SYT9: variants seen among roughly 807,000 people sequenced by gnomAD.
SYT9 encodes the protein synaptotagmin-9.
In SYT9, 22 loss-of-function variants were observed where a neutral mutation model predicts 48.4. The ratio of observed to expected loss-of-function variants is 0.45; its 90% CI spans 0.32 to 0.65. The LOEUF is 0.65. SYT9 is among the 30% of genes least tolerant of loss of function. SYT9 has a pLI of 0.03. For synonymous variants in SYT9, 265 were observed against 245.0 expected, an observed-to-expected ratio of 1.08 and a Z score of -0.76; for missense variants, 577 against 622.0, an observed-to-expected ratio of 0.93 and a Z score of 0.77.
chr11:7,454,156 G>A (rs1848107878), intron 6 of SYT9: 1 of 985,214 alleles, frequency 1.0e-6, no homozygotes, highest in Non-Finnish European at 1.2e-6. Context: ...AGCCCTTGAT[G>A]AGAGTCCAAG....
chr11:7,318,872 A>G (rs949590826), intron 3 of SYT9, among the ~76,000 whole-genome samples: 5 of 152,174 alleles, frequency 3.3e-5, no homozygotes, highest in African/African-American at 1.2e-4. Context: ...CAGTTTGATA[A>G]TATTTCATTT....
At chr11:7,347,203 C>T (rs1003733824) in intron 3 of SYT9, among the ~76,000 whole-genome samples, 2 of 151,952 alleles carry the variant, frequency 1.3e-5, no homozygotes, top group Admixed American at 1.3e-4. Context: ...TATCAATTAA[C>T]CAATACTGCT....
chr11:7,371,621 A>G (rs528452317), intron 3 of SYT9, among the ~76,000 whole-genome samples: 1 of 152,316 alleles, frequency 6.6e-6, no homozygotes, highest in African/African-American at 2.4e-5. Context: ...AAACAAGGCC[A>G]CCATCTAAAA....
intron 5 of SYT9, among the ~76,000 whole-genome samples, chr11:7,418,459 G>A (rs1281409920): frequency 1.3e-5 from 2 of 152,174 alleles, no homozygotes; most frequent in Non-Finnish European, 2.9e-5. Flanking sequence ...GGCCCCACAG[G>A]TTTTATCTTC....
chr11:7,318,414 A>G (rs1849279419), intron 3 of SYT9, among the ~76,000 whole-genome samples: 2 of 151,954 alleles, frequency 1.3e-5, no homozygotes, highest in Admixed American at 1.3e-4. Flanking sequence ...TCAGGGTTCA[A>G]GTGATTCTCC....
chr11:7,250,197 CTTCT>C (rs889197135), upstream of SYT9, among the ~76,000 whole-genome samples: 6 of 152,046 alleles, frequency 3.9e-5, no homozygotes, highest in Non-Finnish European at 2.9e-5. Context: ...GTGCCTTTCA[CTTCT>C]TTCTTATTCC....
At chr11:7,360,467 A>G (rs552038001) in intron 3 of SYT9, among the ~76,000 whole-genome samples, 95 of 152,216 alleles carry the variant, frequency 6.2e-4, no homozygotes, top group African/African-American at 2.2e-3. Flanking sequence ...CACGATATTG[A>G]TTCTTCCTAC....
At chr11:7,418,175 G>T in intron 5 of SYT9, 47 bp downstream of exon 5, 2 of 1,589,762 alleles carry the variant, frequency 1.3e-6, no homozygotes, top group South Asian at 2.3e-5. Context: ...CTGTGCCCAG[G>T]ACTGGGAAGG....
chr11:7,255,440 C>T (rs1847950638), intron 1 of SYT9, among the ~76,000 whole-genome samples: 1 of 152,078 alleles, frequency 6.6e-6, no homozygotes, highest in African/African-American at 2.4e-5. Context: ...AGGTGCTGAG[C>T]AGAGAAGTGA....
intron 3 of SYT9, among the ~76,000 whole-genome samples, chr11:7,407,792 T>C (rs977650777): frequency 2.0e-5 from 3 of 152,224 alleles, no homozygotes; most frequent in Admixed American, 6.5e-5. Flanking sequence ...TATTGAAGAA[T>C]GTATTCTTTC....
intron 3 of SYT9, among the ~76,000 whole-genome samples, chr11:7,365,653 A>T (rs1302913329): frequency 6.6e-6 from 1 of 152,148 alleles, no homozygotes; most frequent in African/African-American, 2.4e-5. Context: ...TTCTCAGAGT[A>T]TTTTCACCAA....
At chr11:7,251,097 G>A (rs1847857635), upstream of SYT9, among the ~76,000 whole-genome samples, 1 of 107,954 alleles carries the variant, frequency 9.3e-6, no homozygotes, top group Non-Finnish European at 1.9e-5. Context: ...TTGTGGCACA[G>A]TGACACACAC....
At chr11:7,347,845 G>T (rs183505593) in intron 3 of SYT9, among the ~76,000 whole-genome samples, 3 of 152,100 alleles carry the variant, frequency 2.0e-5, no homozygotes, top group Non-Finnish European at 4.4e-5. Context: ...TCTTTCAACA[G>T]ACAGGCTCCG....
chr11:7,251,099 G>GACACACACACAC (rs369736479), upstream of SYT9, among the ~76,000 whole-genome samples: 4,465 of 131,914 alleles, frequency 0.034, 89 homozygotes, highest in East Asian at 0.12. Context: ...GTGGCACAGT[G>GACACACACACAC]ACACACACAC....
chr11:7,316,992 G>A lies in SYT9; in HGVS notation c.1044+3051G>A, dbSNP rs114846315. On this transcript the variant is annotated intron_variant, in intron 3 of 6. Transcript: ENST00000318881. ...TTGATTCACATAGGCTTTTTAAGCAGTTGGGATGCAAATCCCTTGTTGGTT... is the reference window on the plus strand; with the variant it reads ...TTGATTCACATAGGCTTTTTAAGCAATTGGGATGCAAATCCCTTGTTGGTT... Among the ~76,000 whole-genome samples the A allele has an allele frequency of 9.1e-3, 1,382 of 152,288 alleles. 20 individuals carry two copies. Among genetic ancestry groups the A allele is most frequent in the African/African-American group, 0.03 (1,266 of 41,546 alleles).
chr11:7,260,433 G>A (rs1848057615), intron 1 of SYT9, among the ~76,000 whole-genome samples: 1 of 152,192 alleles, frequency 6.6e-6, no homozygotes. Context: ...AGTAAGTTGA[G>A]TGTGTGTTGG....
chr11:7,334,142 A>T (rs532924755), intron 3 of SYT9, among the ~76,000 whole-genome samples: 13 of 152,310 alleles, frequency 8.5e-5, no homozygotes, highest in Admixed American at 1.3e-4. Flanking sequence ...AGACAGGAAC[A>T]GTTTTGGCAA....
intron 6 of SYT9, among the ~76,000 whole-genome samples, chr11:7,425,231 T>G (rs575729910): frequency 6.6e-6 from 1 of 152,196 alleles, no homozygotes; most frequent in East Asian, 1.9e-4. Flanking sequence ...TGGACCTACC[T>G]CAGCAGGAGT....
At chr11:7,385,639 CT>C (rs1850644377) in intron 3 of SYT9, among the ~76,000 whole-genome samples, 1 of 151,966 alleles carries the variant, frequency 6.6e-6, no homozygotes, top group Non-Finnish European at 1.5e-5. Flanking sequence ...ACATGTACCC[CT>C]GAACCTTAAA....
Sources: gnomAD v4.1 joint callset for allele counts (sites outside exome capture counted in the v4.1 genomes callset) on GRCh38, gnomAD v4.1.1 for gene constraint, MANE v1.5 for transcripts, NCBI Gene and HGNC (gene_info 2026-07-23, HGNC 2026-07-21) for gene names.